Variants in IGF2R observed in about 807,000 individuals in gnomAD.
IGF2R encodes the protein cation-independent mannose-6-phosphate receptor.
In IGF2R, 91 loss-of-function variants were observed where a neutral mutation model predicts 270.6. The observed-to-expected ratio is 0.34, with a 90% CI of 0.28 to 0.40. The LOEUF is 0.40. IGF2R is among the 10% of genes least tolerant of loss of function. IGF2R has a pLI of 1.00. For synonymous variants in IGF2R, 1,316 were observed against 1,258.9 expected, an observed-to-expected ratio of 1.05 and a Z score of -0.96; for missense variants, 2,805 against 3,188.3, an observed-to-expected ratio of 0.88 and a Z score of 2.90.
Position 160,090,119 on chromosome 6 carries a change from C to T in IGF2R, c.6655+16C>T. 7.1e-7 allele frequency: 1 copy of T among 1,417,716 alleles called. No homozygotes were observed. The highest frequency in any genetic ancestry group is 9.3e-7 in the Non-Finnish European group (1 of 1,072,418). 87.8% of individuals were successfully genotyped at this position (1,417,716 alleles called of 1,614,324 possible). On this transcript the variant is annotated intron_variant, in intron 44 of 47. Coordinates refer to ENST00000356956, the MANE Select transcript of IGF2R (RefSeq NM_000876.4). ...TACCTTCAAGGTAATCCGTGGCTTC[C>T]CACAAAGTTCCACATTTAACTTCCT...
chr6:160,061,137 G>C (rs982332221), intron 23 of IGF2R, among the ~76,000 whole-genome samples: 1 of 152,188 alleles, frequency 6.6e-6, no homozygotes, highest in Non-Finnish European at 1.5e-5. Context: ...TGCCTGCTCT[G>C]CAACAGTGGT....
At chr6:160,077,219 G>T (rs528625935) in intron 36 of IGF2R, among the ~76,000 whole-genome samples, 1 of 152,322 alleles carries the variant, frequency 6.6e-6, no homozygotes, top group Admixed American at 6.5e-5. Context: ...GCTGTATTCA[G>T]TCCACCCATT....
At chr6:160,082,122 G>A (rs935140780) in intron 39 of IGF2R, among the ~76,000 whole-genome samples, 15 of 152,126 alleles carry the variant, frequency 9.9e-5, no homozygotes, top group African/African-American at 3.4e-4. Context: ...AGGTCCCTCC[G>A]TTCATGGTCC....
At chr6:160,086,818 C>T (rs1339765928) in intron 41 of IGF2R, among the ~76,000 whole-genome samples, 2 of 152,184 alleles carry the variant, frequency 1.3e-5, no homozygotes, top group Non-Finnish European at 2.9e-5. Flanking sequence ...GGAAAACACT[C>T]GGGAAGTGAG....
chr6:160,003,624 C>T (rs115774344), intron 2 of IGF2R: 31 of 152,202 alleles, frequency 2.0e-4, no homozygotes, highest in African/African-American at 7.2e-4. Flanking sequence ...AAAACATAGC[C>T]AACAGTTAAT....
chr6:160,093,796 C>T (rs989081743), intron 44 of IGF2R: 2 of 739,024 alleles, frequency 2.7e-6, no homozygotes, highest in Admixed American at 1.7e-5. Flanking sequence ...ATAACAAGAT[C>T]TCTCGTGATG....
At chr6:160,087,531 T>A (rs1779121105) in intron 41 of IGF2R, among the ~76,000 whole-genome samples, 1 of 152,192 alleles carries the variant, frequency 6.6e-6, no homozygotes. Context: ...CTGTGACAAT[T>A]GTGCAGTGGG....
chr6:160,052,853 A>G (rs1243620367), intron 19 of IGF2R, among the ~76,000 whole-genome samples: 1 of 152,214 alleles, frequency 6.6e-6, no homozygotes, highest in Non-Finnish European at 1.5e-5. Context: ...TATTTAATAA[A>G]TGGTGCTGGG....
At chr6:160,015,585 A>T (rs1777272504) in intron 4 of IGF2R, among the ~76,000 whole-genome samples, 1 of 152,044 alleles carries the variant, frequency 6.6e-6, no homozygotes, top group South Asian at 2.1e-4. Flanking sequence ...GGGTGCCCCT[A>T]CTTCATGAAA....
intron 1 of IGF2R, among the ~76,000 whole-genome samples, chr6:159,981,003 T>C (rs1783791170): frequency 6.6e-6 from 1 of 152,212 alleles, no homozygotes; most frequent in Non-Finnish European, 1.5e-5. Flanking sequence ...TCCTGTACTG[T>C]TGAGTTGATC....
At chr6:160,030,458 A>G (rs960352060) in intron 7 of IGF2R, among the ~76,000 whole-genome samples, 1 of 152,352 alleles carries the variant, frequency 6.6e-6, no homozygotes, top group African/African-American at 2.4e-5. Context: ...ATATGGAGAC[A>G]GTGCAGGGCT....
At chr6:159,974,399 G>C (rs1184932695) in intron 1 of IGF2R, among the ~76,000 whole-genome samples, 1 of 151,868 alleles carries the variant, frequency 6.6e-6, no homozygotes, top group African/African-American at 2.4e-5. Context: ...TCTCCTTATT[G>C]AGCTTTAGGA....
chr6:160,089,260 A>G lies in IGF2R; in HGVS notation c.6467+7A>G, dbSNP rs1779165924. Reference sequence around the variant, plus strand: ...TCGGAGATATTTATTTTAAGTAAGTAAAACGTTTTCCTTCTGAGCTGTGAA... The same window carrying G: ...TCGGAGATATTTATTTTAAGTAAGTGAAACGTTTTCCTTCTGAGCTGTGAA... On this transcript the variant is annotated splice_region_variant and intron_variant, in intron 43 of 47. Transcript: ENST00000356956. The G allele has an allele frequency of 6.2e-7, 1 of 1,603,180 alleles. No homozygotes were observed. Among genetic ancestry groups the G allele is most frequent in the Non-Finnish European group, 8.5e-7 (1 of 1,172,546 alleles).
Position 160,062,601 on chromosome 6 carries a change from C to T in IGF2R, c.3652C>T (p.Pro1218Ser). 3.1e-6 allele frequency: 5 copies of T among 1,613,502 alleles called. No individual in the cohort carries two copies. The highest frequency in any genetic ancestry group is 4.2e-6 in the Non-Finnish European group (5 of 1,179,506). Residue 1218 changes from proline (P) to serine (S), a missense_variant, in exon 26 of 48, where the codon CCC becomes TCC. By Grantham distance (74) the Pro-to-Ser change is moderately conservative. Coordinates refer to ENST00000356956, the MANE Select transcript of IGF2R (RefSeq NM_000876.4). Reference sequence around the variant, plus strand: ...TATCTGGAGAACTGTGGAAGCCTGTCCCGTTGTCAGAGTGGAAGGTAGGAC... The same window carrying T: ...TATCTGGAGAACTGTGGAAGCCTGTTCCGTTGTCAGAGTGGAAGGTAGGAC... ...VFIWRTVEACPVVRVEGDNCE... is the reference protein window; with the variant it reads ...VFIWRTVEACSVVRVEGDNCE...
chr6:160,056,354 C>T lies in IGF2R; in HGVS notation c.2695-70C>T, dbSNP rs555213748. 3.0e-5 allele frequency: 32 copies of T among 1,059,464 alleles called. No individual in the cohort carries two copies. The African/African-American group carries it at 3.4e-4, about 11-fold the overall frequency. The allele number at this position is 1,059,464 out of a possible 1,614,324, so 65.6% of individuals were successfully genotyped here. ...ATTTTGGCTATTTTTATGTCTCAGGCGAGTATTCTTTTGGTTCTATCAAGT... is the reference window on the plus strand; with the variant it reads ...ATTTTGGCTATTTTTATGTCTCAGGTGAGTATTCTTTTGGTTCTATCAAGT... On this transcript the variant is annotated intron_variant, in intron 19 of 47. Coordinates refer to ENST00000356956, the MANE Select transcript of IGF2R (RefSeq NM_000876.4).
At chr6:160,079,406 G>A (rs1220019931) in intron 37 of IGF2R, among the ~76,000 whole-genome samples, 174 bp from the exon 38 acceptor site, 1 of 152,176 alleles carries the variant, frequency 6.6e-6, no homozygotes, top group Non-Finnish European at 1.5e-5. Context: ...GTTGGGGGAG[G>A]CCCCCCAGGG....
intron 1 of IGF2R, among the ~76,000 whole-genome samples, chr6:159,981,648 C>T (rs768414673): frequency 4.6e-5 from 7 of 152,152 alleles, no homozygotes; most frequent in South Asian, 2.1e-4. Context: ...TGAGTTTTGT[C>T]GAGGAAGTTG....
Position 160,047,215 on chromosome 6 carries a change from G to A in IGF2R, c.2108G>A (p.Gly703Glu), listed in dbSNP as rs777970108. 5 of 1,613,964 alleles carry A rather than the reference G, an allele frequency of 3.1e-6. No individual in the cohort carries two copies. The African/African-American group carries it at 4.0e-5, about 13-fold the overall frequency. The change falls in exon 16 of 48, where the codon GGG (glycine) becomes GAG (glutamate). Residue 703 changes from glycine to glutamate, a missense_variant. Physicochemically the swap from Gly to Glu is moderately conservative, Grantham distance 98. This residue lies in a region of IGF2R where 954 missense variants were observed against 981.1 expected (regional missense o/e 0.97). Transcript: ENST00000356956. The stretch of plus-strand genomic sequence containing the variant: ...AATGCGAAGCTTTCATATTATGATG[G>A]GATGATCCAACTGAACTACAGAGGC... ...LSNAKLSYYD[G>E]MIQLNYRGGT...
chr6:160,078,170 T>C, intron 36 of IGF2R, 31 bp from the exon 37 acceptor site: 14 of 1,606,762 alleles, frequency 8.7e-6, no homozygotes, highest in Non-Finnish European at 1.2e-5. Context: ...TGCCATGGGG[T>C]TTTTAAGACC....
Sources: gnomAD v4.1 joint callset for allele counts (sites outside exome capture counted in the v4.1 genomes callset) on GRCh38, gnomAD v4.1.1 for gene constraint, gnomAD v4.1.1 regional missense constraint, MANE v1.5 for transcripts, NCBI Gene and HGNC (gene_info 2026-07-23, HGNC 2026-07-21) for gene names.